The following EIPR1 variants were observed in gnomAD, a reference collection of about 807,000 sequenced individuals.
EIPR1 encodes the protein EARP complex and GARP complex interacting protein 1.
Under a neutral mutation model 48.1 loss-of-function variants are expected in EIPR1, and 25 were observed. That is an observed-to-expected ratio of 0.52 (90% CI 0.38 to 0.73). The LOEUF (loss-of-function observed/expected upper bound fraction) is 0.73. EIPR1 is among the 30% of genes least tolerant of loss of function. The probability of loss-of-function intolerance (pLI) is 0.00; values close to 1 mark genes in which losing one functional copy is unlikely to be tolerated. For missense variants in EIPR1, 415 were observed against 506.2 expected, an observed-to-expected ratio of 0.82 and a Z score of 1.73; for synonymous variants, 204 against 201.9, an observed-to-expected ratio of 1.01 and a Z score of -0.09.
intron 4 of EIPR1, among the ~76,000 whole-genome samples, chr2:3,226,293 T>C (rs1194003644): frequency 1.3e-5 from 2 of 152,238 alleles, no homozygotes; most frequent in East Asian, 3.8e-4. Context: ...TTATCTTTTG[T>C]CTTTTTCATA....
intron 5 of EIPR1, among the ~76,000 whole-genome samples, chr2:3,199,300 C>T (rs754325738): frequency 1.6e-4 from 24 of 152,176 alleles, no homozygotes; most frequent in South Asian, 8.3e-4. Flanking sequence ...ACATGCTTTA[C>T]GAACAATGTG....
chr2:3,304,842 T>TCCAGTTCAGCCCTCCACTCCCGA (rs1553298048), intron 3 of EIPR1, among the ~76,000 whole-genome samples: 5 of 101,864 alleles, frequency 4.9e-5, no homozygotes, highest in Non-Finnish European at 1.0e-4. Context: ...TCCAGTCCCG[T>TCCAGTTCAGCCCTCCACTCCCGA]CCAGTTCAGC....
At chr2:3,362,407 G>C (rs933236123) in intron 1 of EIPR1, among the ~76,000 whole-genome samples, 2 of 152,104 alleles carry the variant, frequency 1.3e-5, no homozygotes, top group Admixed American at 1.3e-4. Context: ...TCCCCATTCG[G>C]TGCTTAAATT....
intron 3 of EIPR1, among the ~76,000 whole-genome samples, chr2:3,316,940 T>TG (rs1669321154): frequency 6.6e-6 from 1 of 152,160 alleles, no homozygotes; most frequent in Non-Finnish European, 1.5e-5. Flanking sequence ...ACAGAAATAG[T>TG]GCATGTGTGA....
At chr2:3,319,084 T>A (rs940546923) in intron 3 of EIPR1, 8 of 391,976 alleles carry the variant, frequency 2.0e-5, no homozygotes, top group Non-Finnish European at 5.2e-6. Context: ...TTTAATCTCA[T>A]TGGCTTCTAA....
intron 3 of EIPR1, among the ~76,000 whole-genome samples, chr2:3,275,261 TGC>T (rs1667813571): frequency 6.7e-6 from 1 of 150,012 alleles, no homozygotes; most frequent in African/African-American, 2.5e-5. Flanking sequence ...TATTAATATT[TGC>T]CAAAATAGAT....
intron 4 of EIPR1, among the ~76,000 whole-genome samples, chr2:3,234,327 T>C (rs1308968140): frequency 6.6e-6 from 1 of 152,232 alleles, no homozygotes; most frequent in Non-Finnish European, 1.5e-5. Context: ...GCTTTAAACA[T>C]GTCTGACTGA....
chr2:3,278,679 C>T (rs528534127), intron 3 of EIPR1, among the ~76,000 whole-genome samples: 116 of 152,280 alleles, frequency 7.6e-4, no homozygotes, highest in African/African-American at 2.3e-3. Flanking sequence ...CAGCTGAGTC[C>T]GCTTCAGGGC....
intron 3 of EIPR1, among the ~76,000 whole-genome samples, chr2:3,260,363 C>T (rs926027335): frequency 1.3e-5 from 2 of 151,904 alleles, no homozygotes; most frequent in Non-Finnish European, 2.9e-5. Context: ...TGGTGGTGGG[C>T]GCCTATAATC....
intron 1 of EIPR1, among the ~76,000 whole-genome samples, chr2:3,373,060 A>G (rs368058594): frequency 1.2e-4 from 18 of 152,336 alleles, no homozygotes; most frequent in Admixed American, 4.6e-4. Flanking sequence ...TCCCTGGGAT[A>G]CAAGGCTGGT....
chr2:3,244,809 G>T (rs1666745854), intron 4 of EIPR1, among the ~76,000 whole-genome samples: 1 of 152,144 alleles, frequency 6.6e-6, no homozygotes, highest in Non-Finnish European at 1.5e-5. Context: ...ATGGACTAAG[G>T]CGTTTTCTGA....
At chr2:3,261,291 CAT>C (rs1043674880) in intron 3 of EIPR1, among the ~76,000 whole-genome samples, 41 of 152,276 alleles carry the variant, frequency 2.7e-4, no homozygotes, top group African/African-American at 8.2e-4. Context: ...CACATGCACA[CAT>C]GAGTGCAAAC....
At chr2:3,212,464 A>G (rs1665488877) in intron 5 of EIPR1, among the ~76,000 whole-genome samples, 1 of 152,082 alleles carries the variant, frequency 6.6e-6, no homozygotes, top group Non-Finnish European at 1.5e-5. Flanking sequence ...CCTCTGCCCA[A>G]GTGTCTATAC....
chr2:3,277,825 GA>G (rs1667902757), intron 3 of EIPR1, among the ~76,000 whole-genome samples: 1 of 152,212 alleles, frequency 6.6e-6, no homozygotes, highest in South Asian at 2.1e-4. Flanking sequence ...CTCTCAGGCT[GA>G]GGTGAGCATG....
At chr2:3,310,115 G>C (rs1489715191) in intron 3 of EIPR1, among the ~76,000 whole-genome samples, 1 of 152,196 alleles carries the variant, frequency 6.6e-6, no homozygotes, top group African/African-American at 2.4e-5. Flanking sequence ...CACTCTGTTA[G>C]AGAAAAAGGA....
chr2:3,189,614 G>T lies in EIPR1; in HGVS notation c.990-106C>A. ...GACATCGGGAGACACGGGAGGTACT[G>T]GGGCCTCAGCTTTCTCCGCTGTGGG... On this transcript the variant is annotated intron_variant, in intron 8 of 8. Transcript: ENST00000382125. The surrounding 1 kb of genome is among the most constrained non-coding windows in gnomAD (Gnocchi z 4.6). The T allele has an allele frequency of 1.8e-6, 2 of 1,120,210 alleles. No homozygotes were observed. The highest frequency in any genetic ancestry group is 2.4e-6 in the Non-Finnish European group (2 of 825,664). The allele number at this position is 1,120,210 out of a possible 1,614,324, so 69.4% of individuals were successfully genotyped here.
At chr2:3,195,642 A>G (rs1664778396) in intron 6 of EIPR1, among the ~76,000 whole-genome samples, 1 of 152,236 alleles carries the variant, frequency 6.6e-6, no homozygotes, top group African/African-American at 2.4e-5. Context: ...CTAGATGGAC[A>G]GTCGCACGTG....
chr2:3,216,251 T>C (rs970567872), intron 4 of EIPR1, among the ~76,000 whole-genome samples: 1 of 152,148 alleles, frequency 6.6e-6, no homozygotes, highest in African/African-American at 2.4e-5. Flanking sequence ...ACATTTTCTA[T>C]ATGACGGGCA....
intron 3 of EIPR1, among the ~76,000 whole-genome samples, chr2:3,335,827 G>A (rs1670025955): frequency 6.6e-6 from 1 of 152,256 alleles, no homozygotes; most frequent in African/African-American, 2.4e-5. Flanking sequence ...CACTGTGATT[G>A]TGCGTTTCCT....
Sources: gnomAD v4.1 joint callset for allele counts (sites outside exome capture counted in the v4.1 genomes callset) on GRCh38, gnomAD v4.1.1 for gene constraint, Gnocchi (gnomAD v3.1) non-coding constraint, MANE v1.5 for transcripts, NCBI Gene and HGNC (gene_info 2026-07-23, HGNC 2026-07-21) for gene names.